The following KCNQ1 variants were observed in gnomAD, a reference collection of about 807,000 sequenced individuals.
KCNQ1 encodes potassium voltage-gated channel subfamily Q member 1, also known as potassium voltage-gated channel subfamily KQT member 1.
A neutral mutation model predicts 72.4 loss-of-function variants in KCNQ1; 49 were observed. That is an observed-to-expected ratio of 0.68 (90% CI 0.54 to 0.86). KCNQ1 has a LOEUF of 0.86. KCNQ1 is among the 40% of genes least tolerant of loss of function. The probability of loss-of-function intolerance (pLI) is 0.00; values close to 1 mark genes in which losing one functional copy is unlikely to be tolerated. For missense variants in KCNQ1, 790 were observed against 945.1 expected (o/e 0.84, Z 2.15); for synonymous variants, 450 against 412.6 (o/e 1.09, Z -1.10).
chr11:2,491,487 A>T lies in KCNQ1; in HGVS notation c.387-36441A>T, dbSNP rs1423908918. 6.6e-6 allele frequency among the ~76,000 whole-genome samples: 1 copy of T among 152,244 alleles called. No homozygotes were observed. The highest frequency in any genetic ancestry group is 2.4e-5 in the African/African-American group (1 of 41,470). The stretch of plus-strand genomic sequence containing the variant: ...GAATCTCTTGATAACAGCATTGATC[A>T]AGAACAAAAAAGAATTAGTAAGCTT... On this transcript the variant is annotated intron_variant, in intron 1 of 15. Transcript: ENST00000155840. This position sits in a 1 kb window ranked among gnomAD's most constrained non-coding sequence, Gnocchi z 4.1.
At chr11:2,655,415 C>T (rs1849827974) in intron 10 of KCNQ1, 1 of 398,670 alleles carries the variant, frequency 2.5e-6, no homozygotes. Context: ...TGCTCTTTGT[C>T]CCCAGGGCCA....
In KCNQ1 at chr11:2,537,619, G is replaced by T. The variant is rs1847754097; in HGVS notation, c.477+9601G>T. 6.6e-6 allele frequency among the ~76,000 whole-genome samples: 1 copy of T among 152,034 alleles called. No homozygotes were observed. Among genetic ancestry groups the T allele is most frequent in the Admixed American group, 6.5e-5 (1 of 15,276 alleles). On this transcript the variant is annotated intron_variant, in intron 2 of 15. Transcript: ENST00000155840. The surrounding 1 kb of genome is among the most constrained non-coding windows in gnomAD (Gnocchi z 5.2). Reference sequence around the variant, plus strand: ...GCAGCTCCCAGGCACCCTCTGCCAGGTCAGCAGTGGCTTTCATCTTCTGCC... The same window carrying T: ...GCAGCTCCCAGGCACCCTCTGCCAGTTCAGCAGTGGCTTTCATCTTCTGCC...
In KCNQ1 at chr11:2,659,275, A is replaced by C; in HGVS notation, c.1394-2686A>C. 2.5e-6 allele frequency: 1 copy of C among 398,628 alleles called. No homozygotes were observed. Among genetic ancestry groups the C allele is most frequent in the Non-Finnish European group, 4.4e-6 (1 of 226,052 alleles). 24.7% of individuals were successfully genotyped at this position (398,628 alleles called of 1,614,324 possible). A position where few individuals can be genotyped will look rare whatever the true frequency, so the allele number is the denominator to read the frequency against. On this transcript the variant is annotated intron_variant, in intron 10 of 15. Coordinates refer to ENST00000155840, the MANE Select transcript of KCNQ1 (RefSeq NM_000218.3). This position sits in a 1 kb window ranked among gnomAD's most constrained non-coding sequence, Gnocchi z 4.3. ...TTTTGAAGTCAAGTACTTCTCCCCT[A>C]ACCACTGGCAGCTATTGATCTGTTT...
rs1173779980 is a variant in KCNQ1 at position 2,683,559 on chromosome 11, A to G, written c.1514+21478A>G. 2.5e-6 allele frequency: 1 copy of G among 398,564 alleles called. No individual in the cohort carries two copies. Among genetic ancestry groups the G allele is most frequent in the South Asian group, 1.3e-4 (1 of 7,868 alleles). The allele number at this position is 398,564 out of a possible 1,614,324, so 24.7% of individuals were successfully genotyped here. ...AAAAAAGAGGTAGAAGCCCCTACCT[A>G]CTGACTGGCATCACAAACACTGCCC... On this transcript the variant is annotated intron_variant, in intron 11 of 15. Coordinates refer to ENST00000155840, the MANE Select transcript of KCNQ1 (RefSeq NM_000218.3). This position sits in a 1 kb window ranked among gnomAD's most constrained non-coding sequence, Gnocchi z 4.7.
chr11:2,560,668 C>T (rs1257849879), intron 2 of KCNQ1, among the ~76,000 whole-genome samples: 1 of 152,070 alleles, frequency 6.6e-6, no homozygotes, highest in Non-Finnish European at 1.5e-5. Context: ...AGTACAGCAC[C>T]CACAAGGCAG....
intron 1 of KCNQ1, among the ~76,000 whole-genome samples, chr11:2,499,368 AAAAGGAAGACAGAAGGGAAGTAAC>A (rs1846971582): frequency 6.6e-6 from 1 of 152,186 alleles, no homozygotes; most frequent in Non-Finnish European, 1.5e-5. Context: ...CACCTTCACT[AAAAGGAAGACAGAAGGGAAGTAAC>A]AAAGGAAGAG....
In KCNQ1 at chr11:2,496,495, C is replaced by CTTTTTTTTTTTTTTTTTTTT; in HGVS notation, c.387-31427_387-31408dup. ...AAAATGGCTAGGATCACAACCCCTG[C>CTTTTTTTTTTTTTTTTTTTT]TTTTTTTTTTTTTTTTTTTTTTTTT... On this transcript the variant is annotated intron_variant, in intron 1 of 15. Transcript: ENST00000155840. Among the ~76,000 whole-genome samples the CTTTTTTTTTTTTTTTTTTTT allele has an allele frequency of 1.0e-3, 30 of 29,844 alleles. 6 individuals carry two copies. Among genetic ancestry groups the CTTTTTTTTTTTTTTTTTTTT allele is most frequent in the African/African-American group, 1.7e-3 (16 of 9,286 alleles). 19.6% of individuals were successfully genotyped at this position (29,844 alleles called of 152,430 possible).
rs1847819963 is a variant in KCNQ1 at position 2,541,372 on chromosome 11, T to G, written c.477+13354T>G. 1.3e-5 allele frequency among the ~76,000 whole-genome samples: 2 copies of G among 152,138 alleles called. No individual in the cohort carries two copies. Among genetic ancestry groups the G allele is most frequent in the Admixed American group, 1.3e-4 (2 of 15,282 alleles). The stretch of plus-strand genomic sequence containing the variant: ...TGGGGGAAGGGCGGGCGTCTTTATT[T>G]CATTTTAGCTTTCTTTAGCGGGGCC... On this transcript the variant is annotated intron_variant, in intron 2 of 15. Coordinates refer to ENST00000155840, the MANE Select transcript of KCNQ1 (RefSeq NM_000218.3). This position sits in a 1 kb window ranked among gnomAD's most constrained non-coding sequence, Gnocchi z 4.8.
chr11:2,614,206 C>A, intron 10 of KCNQ1: 1 of 398,572 alleles, frequency 2.5e-6, no homozygotes, highest in Non-Finnish European at 4.4e-6. Flanking sequence ...CACCTCAAAT[C>A]TTAGTCATTT....
chr11:2,760,737 C>T (rs1230204707), intron 11 of KCNQ1, among the ~76,000 whole-genome samples: 1 of 152,228 alleles, frequency 6.6e-6, no homozygotes. Context: ...CTTACCAGCT[C>T]GCTCCTGCAT....
chr11:2,631,042 A>G (rs937566753), intron 10 of KCNQ1: 2 of 398,426 alleles, frequency 5.0e-6, no homozygotes, highest in African/African-American at 2.1e-5. Flanking sequence ...TTTGATGGCA[A>G]TATATCTAGG....
chr11:2,487,781 C>A (rs925250100), intron 1 of KCNQ1, among the ~76,000 whole-genome samples: 1 of 152,138 alleles, frequency 6.6e-6, no homozygotes. Flanking sequence ...TTAGGGGTTT[C>A]TACATATGAG....
chr11:2,471,413 A>G lies in KCNQ1; in HGVS notation c.386+25929A>G, dbSNP rs1354674843. ...ACGCTCAGCAACGCCACAGCCTCTG[A>G]CACTCCACGGCACTAAAGTGTCAAG... On this transcript the variant is annotated intron_variant, in intron 1 of 15. Coordinates refer to ENST00000155840, the MANE Select transcript of KCNQ1 (RefSeq NM_000218.3). The surrounding 1 kb of genome is among the most constrained non-coding windows in gnomAD (Gnocchi z 4.8). Among the ~76,000 whole-genome samples the G allele has an allele frequency of 6.6e-6, 1 of 152,136 alleles. No individual in the cohort carries two copies. The highest frequency in any genetic ancestry group is 1.5e-5 in the Non-Finnish European group (1 of 68,026).
intron 15 of KCNQ1, among the ~76,000 whole-genome samples, chr11:2,806,329 G>A (rs71476692): frequency 6.6e-6 from 1 of 152,208 alleles, no homozygotes; most frequent in Admixed American, 6.5e-5. Flanking sequence ...AGGGAGGTAC[G>A]CAGGGAGGCA....
chr11:2,652,676 G>C lies in KCNQ1; in HGVS notation c.1394-9285G>C, dbSNP rs762705649. ...TGGAGACCCGGGTGGGTCGATTTTA[G>C]TTGTGTGGGTGGCTGTGTTGCTCTC... On this transcript the variant is annotated intron_variant, in intron 10 of 15. Coordinates refer to ENST00000155840, the MANE Select transcript of KCNQ1 (RefSeq NM_000218.3). This position sits in a 1 kb window ranked among gnomAD's most constrained non-coding sequence, Gnocchi z 5.9. 2.0e-5 allele frequency: 8 copies of C among 398,684 alleles called. No homozygotes were observed. The highest frequency in any genetic ancestry group is 3.5e-5 in the Non-Finnish European group (8 of 226,240). The allele number at this position is 398,684 out of a possible 1,614,324, so 24.7% of individuals were successfully genotyped here.
intron 11 of KCNQ1, chr11:2,692,880 T>C (rs566863239): frequency 4.5e-5 from 18 of 398,642 alleles, no homozygotes; most frequent in African/African-American, 3.5e-4. Context: ...CTGTGCTGTG[T>C]AGATGCAGCA....
At position 2,848,337 on chromosome 11, in the gene KCNQ1, G is replaced by A; in HGVS notation, c.*334G>A. Reference sequence around the variant, plus strand: ...GGCCTGGCCCATGTATGGCCAGGAAGTAGCACAGGCTGAGTGCAGGCCCAC... The same window carrying A: ...GGCCTGGCCCATGTATGGCCAGGAAATAGCACAGGCTGAGTGCAGGCCCAC... On this transcript the variant is annotated 3_prime_UTR_variant, in exon 16 of 16. Coordinates refer to ENST00000155840, the MANE Select transcript of KCNQ1 (RefSeq NM_000218.3). The A allele has an allele frequency of 1.7e-6, 1 of 578,748 alleles. No homozygotes were observed. Among genetic ancestry groups the A allele is most frequent in the Non-Finnish European group, 3.3e-6 (1 of 306,542 alleles). 35.9% of individuals were successfully genotyped at this position (578,748 alleles called of 1,614,324 possible).
intron 10 of KCNQ1, chr11:2,633,425 C>T: frequency 2.5e-6 from 1 of 398,508 alleles, no homozygotes; most frequent in Admixed American, 4.4e-5. Context: ...CTTATAAAGT[C>T]TTACCCATAA....
intron 1 of KCNQ1, among the ~76,000 whole-genome samples, chr11:2,517,324 G>A (rs1035524736): frequency 1.1e-4 from 16 of 152,140 alleles, no homozygotes; most frequent in African/African-American, 3.6e-4. Context: ...GCACCTGATG[G>A]ACCTCCAGGT....
Sources: gnomAD v4.1 joint callset for allele counts (sites outside exome capture counted in the v4.1 genomes callset) on GRCh38, gnomAD v4.1.1 for gene constraint, Gnocchi (gnomAD v3.1) non-coding constraint, MANE v1.5 for transcripts, NCBI Gene and HGNC (gene_info 2026-07-23, HGNC 2026-07-21) for gene names.